The following TENT4A variants were observed in gnomAD, a reference collection of about 807,000 sequenced individuals.
TENT4A encodes terminal nucleotidyltransferase 4A.
TENT4A carries 7 observed loss-of-function variants against 72.8 expected under a neutral mutation model. That is an observed-to-expected ratio of 0.10 (90% CI 0.05 to 0.18). The LOEUF (loss-of-function observed/expected upper bound fraction) is 0.18. Ranked by LOEUF, TENT4A falls within the 10% of genes least tolerant of loss-of-function variation. TENT4A has a pLI of 1.00. For missense variants in TENT4A, 831 were observed against 1,017.7 expected, an observed-to-expected ratio of 0.82 and a Z score of 2.50; for synonymous variants, 456 against 434.3, an observed-to-expected ratio of 1.05 and a Z score of -0.62.
At chr5:6,743,585 C>T in intron 5 of TENT4A, 127 bp from the exon 6 acceptor site, 1 of 714,372 alleles carries the variant, frequency 1.4e-6, no homozygotes, top group Non-Finnish European at 2.3e-6. Context: ...GACTTAATGA[C>T]TGAGAGCCTT....
intron 3 of TENT4A, 125 bp from the exon 4 acceptor site, chr5:6,739,607 A>G: frequency 9.1e-7 from 1 of 1,101,982 alleles, no homozygotes. Context: ...GCCATAGGCT[A>G]GTGGGATTGT....
In TENT4A at chr5:6,714,538, G is replaced by A. The variant is rs1192919368; in HGVS notation, c.555G>A (p.Pro185=). ...AGSPSQHQFH[P]GRRKRENKAS... is the part of the protein sequence containing the mutation. The stretch of plus-strand genomic sequence containing the variant: ...CCCCGTCGCAGCACCAGTTCCACCC[G>A]GGTCGCCGGAAACGCGAGAACAAGG... The change falls in exon 1 of 13, where the codon CCG becomes CCA. Residue 185 remains proline, a synonymous_variant. Transcript: ENST00000230859. 2 of 1,193,920 alleles carry A rather than the reference G, an allele frequency of 1.7e-6. No individual in the cohort carries two copies. Among genetic ancestry groups the A allele is most frequent in the Middle Eastern group, 3.3e-4 (1 of 3,006 alleles). The allele number at this position is 1,193,920 out of a possible 1,614,324, so 74.0% of individuals were successfully genotyped here. A position where few individuals can be genotyped will look rare whatever the true frequency, so the allele number is the denominator to read the frequency against.
rs771595692 is a variant in TENT4A, at chr5:6,746,231, T to C, written c.1263T>C (p.Asp421=). The change falls in exon 7 of 13, where the codon GAT becomes GAC. Residue 421 remains aspartate, a synonymous_variant. Transcript: ENST00000230859. The stretch of plus-strand genomic sequence containing the variant: ...TTTTACAGTTGCATCCAAGAATTGA[T>C]GCCCGGAGAGCTGATGAAAACCTTG... ...ISFLQLHPRI[D]ARRADENLGM... 6.2e-7 allele frequency: 1 copy of C among 1,614,244 alleles called. No individual in the cohort carries two copies. Among genetic ancestry groups the C allele is most frequent in the Non-Finnish European group, 8.5e-7 (1 of 1,180,042 alleles).
At position 6,750,501 on chromosome 5, in the gene TENT4A, G is replaced by A. The variant is rs199899607; in HGVS notation, c.1858G>A (p.Val620Ile). 25 of 1,589,834 alleles carry A rather than the reference G, an allele frequency of 1.6e-5. No homozygotes were observed. The highest frequency in any genetic ancestry group is 6.8e-5 in the African/African-American group (5 of 73,354). ...SSVSSLSGSD[V>I]DSDTPPCTTP... is the part of the protein sequence containing the mutation. Reference sequence around the variant, plus strand: ...TGTGTCTTCACTTTCTGGGAGTGACGTTGTAAGTGCCCTCCCCTCCTCCGT... The same window carrying A: ...TGTGTCTTCACTTTCTGGGAGTGACATTGTAAGTGCCCTCCCCTCCTCCGT... The change falls in exon 10 of 13, where the codon GTT (valine) becomes ATT (isoleucine). Residue 620 changes from valine to isoleucine, a missense_variant and splice_region_variant. Val to Ile is a conservative substitution (Grantham distance 29). Coordinates refer to ENST00000230859, the MANE Select transcript of TENT4A (RefSeq NM_006999.6).
chr5:6,723,030 T>C (rs1269614099), intron 1 of TENT4A, among the ~76,000 whole-genome samples: 1 of 147,228 alleles, frequency 6.8e-6, no homozygotes. Context: ...AGCTCTGAAC[T>C]GCAGTAACTT....
chr5:6,739,693 C>T lies in TENT4A; in HGVS notation c.888-39C>T, dbSNP rs201764088. ...CCCCACACGAGTGTGTAGGCTGTGG[C>T]GAGGGGAGCAGTGGCTGACGTGCGT... On this transcript the variant is annotated intron_variant, in intron 3 of 12. Coordinates refer to ENST00000230859, the MANE Select transcript of TENT4A (RefSeq NM_006999.6). 6.3e-4 allele frequency: 1,019 copies of T among 1,610,240 alleles called. 10 individuals are homozygous for T. In the South Asian group the frequency reaches 0.011, roughly 17 times the overall value.
intron 10 of TENT4A, 168 bp downstream of exon 10, chr5:6,750,671 C>A: frequency 3.3e-6 from 2 of 606,158 alleles, no homozygotes; most frequent in Non-Finnish European, 2.8e-6. Flanking sequence ...ACCAGGCTTC[C>A]TTTCCCCTGC....
intron 1 of TENT4A, among the ~76,000 whole-genome samples, chr5:6,718,744 G>C (rs1740506612): frequency 6.6e-6 from 1 of 152,236 alleles, no homozygotes; most frequent in African/African-American, 2.4e-5. Context: ...TCCACAAGGT[G>C]AAATTGAAAA....
chr5:6,733,964 C>G (rs1741336046), intron 1 of TENT4A, among the ~76,000 whole-genome samples: 1 of 152,196 alleles, frequency 6.6e-6, no homozygotes, highest in African/African-American at 2.4e-5. Flanking sequence ...GCTAACAAAT[C>G]AAATTATTCA....
rs748779672 is a variant in TENT4A at position 6,754,733 on chromosome 5, GTCTC to G, written c.2185-12_2185-9del. On this transcript the variant is annotated splice_polypyrimidine_tract_variant and intron_variant, in intron 12 of 12. Transcript: ENST00000230859. ...CCTGCTGTCTGGCTCCAACACTGCT[GTCTC>G]TCTCTTTCTCCAGCAGCACAACGGC... is the stretch of plus-strand genomic sequence containing the variant. 3.2e-6 allele frequency: 5 copies of G among 1,556,356 alleles called. No homozygotes were observed. Among genetic ancestry groups the G allele is most frequent in the African/African-American group, 2.7e-5 (2 of 73,816 alleles).
intron 1 of TENT4A, among the ~76,000 whole-genome samples, chr5:6,723,885 T>G (rs1054972151): frequency 6.6e-6 from 1 of 152,154 alleles, no homozygotes; most frequent in Non-Finnish European, 1.5e-5. Context: ...GGCTGCAGTG[T>G]GGAAGCGGGA....
intron 7 of TENT4A, among the ~76,000 whole-genome samples, chr5:6,747,172 C>T (rs1030226682): frequency 1.3e-5 from 2 of 152,060 alleles, no homozygotes; most frequent in Admixed American, 6.6e-5. Context: ...GGTGAGATAC[C>T]ATTCTTACTG....
chr5:6,719,496 C>A (rs1239447229), intron 1 of TENT4A, among the ~76,000 whole-genome samples: 1 of 152,198 alleles, frequency 6.6e-6, no homozygotes, highest in Admixed American at 6.5e-5. Flanking sequence ...GAAGAAGCCG[C>A]AGTGCTGCCA....
In TENT4A at chr5:6,738,710, G is replaced by A. The variant is rs377710076; in HGVS notation, c.868G>A (p.Gly290Ser). 2.5e-6 allele frequency: 4 copies of A among 1,613,310 alleles called. No individual in the cohort carries two copies. The highest frequency in any genetic ancestry group is 3.4e-6 in the Non-Finnish European group (4 of 1,179,356). ...DVQIFGSFST[G>S]LYLPTSDIDL... ...ACAGATATTTGGCAGCTTTAGTACAGGTCTTTATCTTCCAACTAGGTGAGT... is the reference window on the plus strand; with the variant it reads ...ACAGATATTTGGCAGCTTTAGTACAAGTCTTTATCTTCCAACTAGGTGAGT... Residue 290 changes from glycine (G) to serine (S), a missense_variant, in exon 3 of 13, where the codon GGT becomes AGT. Physicochemically the swap from Gly to Ser is moderately conservative, Grantham distance 56. Transcript: ENST00000230859.
At chr5:6,729,232 A>T (rs1164983920) in intron 1 of TENT4A, among the ~76,000 whole-genome samples, 1 of 152,226 alleles carries the variant, frequency 6.6e-6, no homozygotes, top group Non-Finnish European at 1.5e-5. Context: ...ATGTCTAATG[A>T]ATACTTAGTT....
In TENT4A at chr5:6,754,878, G is replaced by A. The variant is rs1385669103; in HGVS notation, c.2312G>A (p.Arg771His). Residue 771 changes from arginine (R) to histidine (H), a missense_variant, in exon 13 of 13, where the codon CGC (arginine) becomes CAC (histidine). Arg to His is a conservative substitution (Grantham distance 29). This residue lies in a region of TENT4A where 332 missense variants were observed against 324.3 expected (regional missense o/e 1.02). Coordinates refer to ENST00000230859, the MANE Select transcript of TENT4A (RefSeq NM_006999.6). ...VGNRGHHQYN[R>H]TGWRRKKHTH... ...AACAGGGGACACCACCAGTATAACC[G>A]CACCGGCTGGAGGAGGAAAAAACAC... 1.9e-6 allele frequency: 3 copies of A among 1,606,964 alleles called. No individual in the cohort carries two copies. The highest frequency in any genetic ancestry group is 1.7e-6 in the Non-Finnish European group (2 of 1,174,916).
At chr5:6,727,053 T>G (rs887942896) in intron 1 of TENT4A, among the ~76,000 whole-genome samples, 1 of 152,018 alleles carries the variant, frequency 6.6e-6, no homozygotes, top group Non-Finnish European at 1.5e-5. Flanking sequence ...GCTTCTTCGC[T>G]CTTGTTCCAC....
At chr5:6,741,771 A>G (rs1741818477) in intron 4 of TENT4A, among the ~76,000 whole-genome samples, 1 of 152,176 alleles carries the variant, frequency 6.6e-6, no homozygotes, top group Admixed American at 6.5e-5. Context: ...CTGGCATTTG[A>G]ACTTTTCGTT....
chr5:6,742,260 G>A (rs1237526913), intron 4 of TENT4A, among the ~76,000 whole-genome samples: 1 of 152,130 alleles, frequency 6.6e-6, no homozygotes, highest in Non-Finnish European at 1.5e-5. Flanking sequence ...GGTCACCTCT[G>A]GTGCTGATCC....
Sources: allele counts gnomAD v4.1 joint callset (sites outside exome capture counted in the v4.1 genomes callset), GRCh38; gene constraint gnomAD v4.1.1; regional missense constraint gnomAD v4.1.1; transcripts MANE v1.5; gene names NCBI Gene and HGNC (gene_info 2026-07-23, HGNC 2026-07-21).